MRTFB: variants seen among roughly 807,000 people sequenced by gnomAD.
MRTFB encodes myocardin-related transcription factor B.
MRTFB carries 29 observed loss-of-function variants against 104.2 expected under a neutral mutation model. The observed-to-expected ratio is 0.28, with a 90% CI of 0.21 to 0.38. The LOEUF is 0.38. MRTFB is among the 10% of genes least tolerant of loss of function. MRTFB has a pLI of 1.00. For missense variants in MRTFB, 1,270 were observed against 1,341.6 expected (o/e 0.95, Z 0.83); for synonymous variants, 535 against 519.5 (o/e 1.03, Z -0.41).
Position 14,260,916 on chromosome 16 carries a change from C to T in MRTFB, c.2772C>T (p.Ser924=), listed in dbSNP as rs148586661. The change falls in exon 17 of 17, where the codon TCC becomes TCT. Residue 924 remains serine (S), a synonymous_variant. Transcript: ENST00000571589. ...FDILIKSGEI[S]LPIKEEPSPI... is the part of the protein sequence containing the mutation. ...TTCATTTATTTTACACAGAGATCTCCCTCCCCATAAAAGAAGAACCTTCTC... is the reference window on the plus strand; with the variant it reads ...TTCATTTATTTTACACAGAGATCTCTCTCCCCATAAAAGAAGAACCTTCTC... 52 of 1,600,128 alleles carry T rather than the reference C, an allele frequency of 3.2e-5. No homozygotes were observed. The Admixed American group carries it at 6.7e-4, about 21-fold the overall frequency.
chr16:14,006,064 C>T, the MRTFB span, among the ~76,000 whole-genome samples: 1 of 151,192 alleles, frequency 6.6e-6, no homozygotes, highest in Non-Finnish European at 1.5e-5. Context: ...AAAAATTAGC[C>T]GGGTGTGGTG....
chr16:14,249,120 T>A, intron 13 of MRTFB, 39 bp downstream of exon 13: 2 of 1,601,700 alleles, frequency 1.2e-6, no homozygotes, highest in Non-Finnish European at 1.7e-6. Flanking sequence ...GTCGCTGATT[T>A]TTACCATCCT....
chr16:14,221,502 ACTCT>A (rs2041702393), intron 8 of MRTFB, among the ~76,000 whole-genome samples: 1 of 151,790 alleles, frequency 6.6e-6, no homozygotes, highest in African/African-American at 2.4e-5. Flanking sequence ...ATCCTTGGAG[ACTCT>A]CTCTGCAGTC....
chr16:14,173,253 C>T (rs890726365), intron 3 of MRTFB, among the ~76,000 whole-genome samples: 4 of 152,096 alleles, frequency 2.6e-5, no homozygotes, highest in African/African-American at 9.7e-5. Context: ...TCCATTAAAA[C>T]GCTTGTTGGT....
intron 4 of MRTFB, 37 bp downstream of exon 4, chr16:14,210,345 C>A: frequency 6.5e-7 from 1 of 1,540,022 alleles, no homozygotes; most frequent in Non-Finnish European, 9.0e-7. Context: ...CCTAACGTGA[C>A]AGAACATGAC....
intron 15 of MRTFB, among the ~76,000 whole-genome samples, chr16:14,256,099 C>T (rs1188420346): frequency 9.4e-5 from 12 of 127,960 alleles, no homozygotes; most frequent in African/African-American, 3.2e-4. Context: ...GGTGACAAAG[C>T]GAGACTGTCT....
At chr16:14,013,907 G>A in the MRTFB span, among the ~76,000 whole-genome samples, 26 of 152,290 alleles carry the variant, frequency 1.7e-4, 1 homozygote, top group East Asian at 4.4e-3. Context: ...CTTGCCTCCA[G>A]CATGTGAAGT....
chr16:14,003,279 A>C, the MRTFB span, among the ~76,000 whole-genome samples: 1 of 151,896 alleles, frequency 6.6e-6, no homozygotes, highest in Non-Finnish European at 1.5e-5. Context: ...TTTCTTTTTA[A>C]TCCTCCCTTT....
chr16:14,095,869 C>G (rs1041677816), intron 2 of MRTFB, among the ~76,000 whole-genome samples: 1 of 151,972 alleles, frequency 6.6e-6, no homozygotes, highest in African/African-American at 2.4e-5. Context: ...TATTTACAAA[C>G]TGTACTGAAT....
At chr16:14,214,493 A>C (rs1024493011) in intron 6 of MRTFB, among the ~76,000 whole-genome samples, 2 of 152,200 alleles carry the variant, frequency 1.3e-5, no homozygotes, top group African/African-American at 4.8e-5. Flanking sequence ...ATAACTCAAC[A>C]TAAGAAGTAA....
intron 2 of MRTFB, among the ~76,000 whole-genome samples, chr16:14,093,680 G>T (rs1055037144): frequency 1.3e-5 from 2 of 152,118 alleles, no homozygotes; most frequent in African/African-American, 4.8e-5. Context: ...CTAAAACTTT[G>T]TATATTTTGA....
chr16:14,150,904 T>C (rs898080495), intron 3 of MRTFB: 1 of 152,218 alleles, frequency 6.6e-6, no homozygotes, highest in Non-Finnish European at 1.5e-5. Flanking sequence ...TAGTGGCACT[T>C]CGTAGGAGTC....
At chr16:13,999,789 C>T in the MRTFB span, among the ~76,000 whole-genome samples, 1 of 152,158 alleles carries the variant, frequency 6.6e-6, no homozygotes, top group Non-Finnish European at 1.5e-5. Flanking sequence ...TAGTGGCCTC[C>T]ACCAGTTAAA....
intron 2 of MRTFB, among the ~76,000 whole-genome samples, chr16:14,086,725 T>C (rs564194287): frequency 3.3e-5 from 5 of 152,368 alleles, no homozygotes; most frequent in African/African-American, 1.2e-4. Flanking sequence ...TTGCATGCTT[T>C]AAAGCCCTGA....
chr16:14,088,269 C>A (rs2034845711), intron 2 of MRTFB, among the ~76,000 whole-genome samples: 1 of 152,118 alleles, frequency 6.6e-6, no homozygotes, highest in African/African-American at 2.4e-5. Flanking sequence ...GTGTGCATTA[C>A]CTCATTTTGT....
chr16:14,219,426 T>G (rs1300101276), intron 8 of MRTFB, among the ~76,000 whole-genome samples: 3 of 152,258 alleles, frequency 2.0e-5, no homozygotes, highest in Non-Finnish European at 4.4e-5. Context: ...ATTCTTGTGC[T>G]GTACATAATT....
chr16:14,258,416 G>A (rs1162773323), intron 16 of MRTFB, among the ~76,000 whole-genome samples: 1 of 152,126 alleles, frequency 6.6e-6, no homozygotes, highest in Admixed American at 6.5e-5. Flanking sequence ...GAAACATAAT[G>A]AGACCTCATC....
In MRTFB at chr16:14,130,780, C is replaced by T. The variant is rs538512671; in HGVS notation, c.-63-9764C>T. 3.2e-4 allele frequency among the ~76,000 whole-genome samples: 48 copies of T among 150,176 alleles called. 1 individual carries two copies. In the South Asian group the frequency reaches 8.2e-3, roughly 26 times the overall value. On this transcript the variant is annotated intron_variant, in intron 2 of 16. Transcript: ENST00000571589. ...AAAGAGCATGGCGCTGGGGAGGCCT[C>T]AGGAAACTTATACAATCATGGCGGA...
intron 3 of MRTFB, among the ~76,000 whole-genome samples, chr16:14,179,125 C>G (rs2039685124): frequency 6.6e-6 from 1 of 152,194 alleles, no homozygotes; most frequent in Admixed American, 6.5e-5. Flanking sequence ...CTTAGTAGCA[C>G]TTATATGACA....
Sources: gnomAD v4.1 joint callset for allele counts (sites outside exome capture counted in the v4.1 genomes callset) on GRCh38, gnomAD v4.1.1 for gene constraint, MANE v1.5 for transcripts, NCBI Gene and HGNC (gene_info 2026-07-23, HGNC 2026-07-21) for gene names.